Variants in LTBP1 observed in about 807,000 individuals in gnomAD.
The protein encoded by LTBP1 is latent-transforming growth factor beta-binding protein 1.
In LTBP1, 129 loss-of-function variants were observed where a neutral mutation model predicts 207.6. That is an observed-to-expected ratio of 0.62 (90% CI 0.54 to 0.72). The LOEUF (loss-of-function observed/expected upper bound fraction) is 0.72, where lower values mean the gene tolerates loss of function less well. Among genes scored for constraint, LTBP1 ranks in the 30% least tolerant of loss-of-function variants. LTBP1 has a pLI of 0.00. For missense variants in LTBP1, 2,281 were observed against 2,217.2 expected, an observed-to-expected ratio of 1.03 and a Z score of -0.58; for synonymous variants, 963 against 833.7, an observed-to-expected ratio of 1.16 and a Z score of -2.67.
intron 7 of LTBP1, among the ~76,000 whole-genome samples, chr2:33,197,621 C>G (rs181280981): frequency 8.7e-4 from 132 of 152,276 alleles, no homozygotes; most frequent in African/African-American, 3.1e-3. Context: ...GACCTAAATT[C>G]AAAGCTTGTT....
In LTBP1 at chr2:33,243,662, A is replaced by G; in HGVS notation, c.1877A>G (p.Asp626Gly). Residue 626 changes from aspartate to glycine, a missense_variant and splice_region_variant, in exon 10 of 34, where the codon GAT (aspartate) becomes GGT (glycine). Coordinates refer to ENST00000404816, the MANE Select transcript of LTBP1 (RefSeq NM_206943.4). ...YKRVNNTFCQ[D>G]INECQLQGVC... ...TCTAAAGAATTGTGTTTTCCTGCAGATATTAATGAATGTCAGCTACAAGGT... is the reference window on the plus strand; with the variant it reads ...TCTAAAGAATTGTGTTTTCCTGCAGGTATTAATGAATGTCAGCTACAAGGT... 6.2e-7 allele frequency: 1 copy of G among 1,613,730 alleles called. No individual in the cohort carries two copies. The highest frequency in any genetic ancestry group is 8.5e-7 in the Non-Finnish European group (1 of 1,179,810).
chr2:33,248,888 T>C (rs1208888037), intron 10 of LTBP1, among the ~76,000 whole-genome samples: 1 of 152,044 alleles, frequency 6.6e-6, no homozygotes, highest in Admixed American at 6.6e-5. Context: ...CGCCCAGCCA[T>C]GAAATGGTTT....
At chr2:33,315,989 ATCT>A (rs199741900) in intron 24 of LTBP1, among the ~76,000 whole-genome samples, 100 of 152,348 alleles carry the variant, frequency 6.6e-4, no homozygotes, top group African/African-American at 2.3e-3. Context: ...CTGTGAACAG[ATCT>A]TCTAGAATTC....
chr2:33,073,737 G>A (rs1572503369), intron 3 of LTBP1, among the ~76,000 whole-genome samples: 1 of 151,678 alleles, frequency 6.6e-6, no homozygotes, highest in East Asian at 1.9e-4. Context: ...AGCAATTCTT[G>A]TGCCTCAGCT....
intron 24 of LTBP1, among the ~76,000 whole-genome samples, chr2:33,329,627 T>A (rs1278388526): frequency 2.0e-5 from 3 of 152,090 alleles, no homozygotes; most frequent in African/African-American, 4.8e-5. Flanking sequence ...AATTAGGTCA[T>A]CACTGTTTAT....
At chr2:32,988,864 G>T (rs1216205225) in intron 2 of LTBP1, among the ~76,000 whole-genome samples, 2 of 152,168 alleles carry the variant, frequency 1.3e-5, no homozygotes, top group African/African-American at 4.8e-5. Flanking sequence ...AAACAAAATG[G>T]CACTTGAGTA....
chr2:33,191,120 G>C (rs936021570), intron 7 of LTBP1, among the ~76,000 whole-genome samples: 1 of 152,278 alleles, frequency 6.6e-6, no homozygotes, highest in South Asian at 2.1e-4. Flanking sequence ...TTTTAAAATT[G>C]TGTGCCCAGT....
At chr2:33,020,809 T>C in intron 2 of LTBP1, 100 bp from the exon 3 acceptor site, 1 of 1,199,572 alleles carries the variant, frequency 8.3e-7, no homozygotes, top group Non-Finnish European at 1.2e-6. Flanking sequence ...GGTTTTTTAT[T>C]GGAGAACAAA....
rs572091681 is a variant in LTBP1 at position 33,288,070 on chromosome 2, A to G, written c.3113-5090A>G. Reference sequence around the variant, plus strand: ...TGCTAGAATAAGATGCTTTATCCCTATCTCAAGTGGTACTCACTCACTGAA... The same window carrying G: ...TGCTAGAATAAGATGCTTTATCCCTGTCTCAAGTGGTACTCACTCACTGAA... On this transcript the variant is annotated intron_variant, in intron 19 of 33. Transcript: ENST00000404816. 3.3e-5 allele frequency among the ~76,000 whole-genome samples: 5 copies of G among 152,322 alleles called. No individual in the cohort carries two copies. The South Asian group carries it at 6.2e-4, about 19-fold the overall frequency.
intron 2 of LTBP1, among the ~76,000 whole-genome samples, chr2:32,976,099 C>G (rs1184533863): frequency 6.6e-6 from 1 of 152,136 alleles, no homozygotes; most frequent in Non-Finnish European, 1.5e-5. Context: ...TTCTTTGCTG[C>G]CATTGGGGGT....
intron 4 of LTBP1, among the ~76,000 whole-genome samples, chr2:33,124,555 T>C (rs1390809834): frequency 6.6e-6 from 1 of 152,252 alleles, no homozygotes; most frequent in African/African-American, 2.4e-5. Flanking sequence ...AAGTCCACAG[T>C]AGAATCTTGC....
intron 7 of LTBP1, among the ~76,000 whole-genome samples, chr2:33,209,458 C>T (rs2149254105): frequency 6.6e-6 from 1 of 152,220 alleles, no homozygotes; most frequent in Admixed American, 6.5e-5. Flanking sequence ...AAATCATCTG[C>T]CGCTTGAACG....
chr2:33,138,993 G>A (rs975630829), intron 5 of LTBP1, among the ~76,000 whole-genome samples: 1 of 150,274 alleles, frequency 6.7e-6, no homozygotes, highest in Non-Finnish European at 1.5e-5. Context: ...CGAGTAGCTG[G>A]GACTACAGGC....
chr2:33,326,270 G>A (rs539641760), intron 24 of LTBP1, among the ~76,000 whole-genome samples: 7 of 152,142 alleles, frequency 4.6e-5, no homozygotes, highest in Non-Finnish European at 1.0e-4. Flanking sequence ...ACTCCACCCC[G>A]TTTCTCCATT....
rs573535723 is a variant in LTBP1 at position 33,142,416 on chromosome 2, T to G, written c.1201+7456T>G. Among the ~76,000 whole-genome samples the G allele has an allele frequency of 2.6e-5, 4 of 152,276 alleles. No individual in the cohort carries two copies. In the East Asian group the frequency reaches 7.7e-4, roughly 29 times the overall value. ...ACATGAGTTTGGTATGGAGCTTGCT[T>G]TTAATTAAGGGAAATAAAATTGGTT... On this transcript the variant is annotated intron_variant, in intron 5 of 33. Transcript: ENST00000404816.
intron 22 of LTBP1, among the ~76,000 whole-genome samples, chr2:33,302,325 T>C (rs2094001916): frequency 6.6e-6 from 1 of 152,214 alleles, no homozygotes; most frequent in Non-Finnish European, 1.5e-5. Flanking sequence ...ATTTAGAGCC[T>C]GTCAGTTGTG....
chr2:33,126,614 T>G (rs1473846648), intron 4 of LTBP1, among the ~76,000 whole-genome samples: 1 of 152,242 alleles, frequency 6.6e-6, no homozygotes, highest in East Asian at 1.9e-4. Flanking sequence ...ATCAGTAATT[T>G]TTTTATTGGC....
At chr2:32,957,315 C>T (rs1408680110) in intron 2 of LTBP1, among the ~76,000 whole-genome samples, 1 of 152,218 alleles carries the variant, frequency 6.6e-6, no homozygotes, top group Non-Finnish European at 1.5e-5. Flanking sequence ...TGGCTTTCTA[C>T]ATGCCTTCCT....
chr2:33,314,892 G>T, intron 23 of LTBP1, among the ~76,000 whole-genome samples: 1 of 152,098 alleles, frequency 6.6e-6, no homozygotes, highest in South Asian at 2.1e-4. Flanking sequence ...GGTAGCTTTG[G>T]GTTGAACCTA....
Sources: allele counts gnomAD v4.1 joint callset (sites outside exome capture counted in the v4.1 genomes callset), GRCh38; gene constraint gnomAD v4.1.1; transcripts MANE v1.5; gene names NCBI Gene and HGNC (gene_info 2026-07-23, HGNC 2026-07-21).